HTT: variants seen among roughly 807,000 people sequenced by gnomAD.
HTT encodes huntingtin.
Under a neutral mutation model 362.3 loss-of-function variants are expected in HTT, and 104 were observed. The observed-to-expected ratio is 0.29, with a 90% CI of 0.24 to 0.34. The LOEUF (loss-of-function observed/expected upper bound fraction) is 0.34. Ranked by LOEUF, HTT falls within the 10% of genes least tolerant of loss-of-function variation. The pLI is 1.00. For synonymous variants in HTT, 1,577 were observed against 1,548.7 expected, an observed-to-expected ratio of 1.02 and a Z score of -0.43; for missense variants, 3,301 against 3,928.6, an observed-to-expected ratio of 0.84 and a Z score of 4.27.
At chr4:3,234,066 A>C (rs1721400090) in intron 61 of HTT, among the ~76,000 whole-genome samples, 1 of 152,256 alleles carries the variant, frequency 6.6e-6, no homozygotes, top group Non-Finnish European at 1.5e-5. Flanking sequence ...AAAGATGGGA[A>C]GGGGTCTGGG....
intron 28 of HTT, among the ~76,000 whole-genome samples, chr4:3,159,314 TC>T (rs2110216894): frequency 6.6e-6 from 1 of 152,348 alleles, no homozygotes; most frequent in South Asian, 2.1e-4. Flanking sequence ...AGCTAGAACT[TC>T]CCATGGTGAA....
intron 1 of HTT, 149 bp from the exon 2 acceptor site, chr4:3,086,790 G>T: frequency 3.7e-6 from 2 of 538,118 alleles, no homozygotes; most frequent in South Asian, 5.5e-5. Context: ...GTGCTTCCCT[G>T]TCCAGATCCC....
In HTT at chr4:3,221,281, G is replaced by T. The variant is rs114196068; in HGVS notation, c.7369+973G>T. On this transcript the variant is annotated intron_variant, in intron 53 of 66. Coordinates refer to ENST00000355072, the MANE Select transcript of HTT (RefSeq NM_001388492.1). ...AATGTCCAAAGAGAGCCCTGAGCAG[G>T]TACCTCACGCCAGCTGCCTCACGGA... 1.2e-3 allele frequency among the ~76,000 whole-genome samples: 187 copies of T among 152,272 alleles called. 1 individual carries two copies. The highest frequency in any genetic ancestry group is 4.4e-3 in the African/African-American group (183 of 41,548).
intron 40 of HTT, among the ~76,000 whole-genome samples, chr4:3,193,269 C>T (rs1719101416): frequency 6.6e-6 from 1 of 152,250 alleles, no homozygotes; most frequent in Admixed American, 6.5e-5. Context: ...GCCTTACTTG[C>T]TATTATTGAA....
intron 28 of HTT, among the ~76,000 whole-genome samples, chr4:3,158,934 T>G (rs1717306580): frequency 6.6e-6 from 1 of 152,232 alleles, no homozygotes; most frequent in Non-Finnish European, 1.5e-5. Flanking sequence ...CTGAATACCC[T>G]GAACTCCAGC....
rs778540858 is a variant in HTT at position 3,177,349 on chromosome 4, A to G, written c.4425A>G (p.Val1475=). 21 of 1,601,668 alleles carry G rather than the reference A, an allele frequency of 1.3e-5. 1 individual carries two copies. In the East Asian group the frequency reaches 3.8e-4, roughly 29 times the overall value. ...LDSDQVFIGF[V]LKQFEYIEVG... is the part of the protein sequence containing the mutation. ...TCCTGTAGGTGTTTATTGGCTTTGT[A>G]TTGAAACAGTTTGAATACATTGAAG... Residue 1475 remains valine, a synonymous_variant, in exon 34 of 67, where the codon GTA becomes GTG. Coordinates refer to ENST00000355072, the MANE Select transcript of HTT (RefSeq NM_001388492.1).
rs1578614376 is a variant in HTT, at chr4:3,232,862, C to G, written c.8266-301C>G. Among the ~76,000 whole-genome samples, 4 of 152,230 alleles carry G rather than the reference C, an allele frequency of 2.6e-5. No homozygotes were observed. In the South Asian group the frequency reaches 8.3e-4, roughly 32 times the overall value. On this transcript the variant is annotated intron_variant, in intron 60 of 66. Coordinates refer to ENST00000355072, the MANE Select transcript of HTT (RefSeq NM_001388492.1). The stretch of plus-strand genomic sequence containing the variant: ...TGGGGGCTGGGCACATGGGCACCCT[C>G]TGCCTGCCTCGTGCCCAGACTCTGG...
chr4:3,195,451 C>T (rs748603925), intron 40 of HTT, among the ~76,000 whole-genome samples: 6 of 152,046 alleles, frequency 3.9e-5, no homozygotes, highest in South Asian at 2.1e-4. Context: ...TCGTGGTCTC[C>T]GGGCACTTGG....
At chr4:3,075,636 G>A (rs1206275205) in intron 1 of HTT, among the ~76,000 whole-genome samples, 2 of 137,544 alleles carry the variant, frequency 1.5e-5, no homozygotes, top group Non-Finnish European at 3.2e-5. Flanking sequence ...GCCTCGGCGG[G>A]AGTGGCGGGG....
Position 3,240,519 on chromosome 4 carries a change from G to A in HTT, c.*460G>A, listed in dbSNP as rs778117120. The A allele has an allele frequency of 1.4e-4, 27 of 189,996 alleles. No individual in the cohort carries two copies. The highest frequency in any genetic ancestry group is 4.8e-4 in the Admixed American group (9 of 18,646). 11.8% of individuals were successfully genotyped at this position (189,996 alleles called of 1,614,324 possible). The stretch of plus-strand genomic sequence containing the variant: ...TGGTGGGGTGTGCATGCCACGCCCC[G>A]TGTCTGGATGCACAGATGCCATGGC... On this transcript the variant is annotated 3_prime_UTR_variant, in exon 67 of 67. Transcript: ENST00000355072.
intron 1 of HTT, among the ~76,000 whole-genome samples, chr4:3,077,161 G>A (rs1352038842): frequency 1.3e-5 from 2 of 152,084 alleles, no homozygotes; most frequent in Non-Finnish European, 2.9e-5. Context: ...CTGGGTGACA[G>A]AGCGAGACTC....
intron 48 of HTT, 81 bp from the exon 49 acceptor site, chr4:3,212,483 C>T (rs1404841456): frequency 2.7e-6 from 4 of 1,508,046 alleles, no homozygotes; most frequent in African/African-American, 1.4e-5. Context: ...ATCAGATTCT[C>T]AGAGAATTGC....
chr4:3,234,037 G>A (rs1484507287), intron 61 of HTT, among the ~76,000 whole-genome samples: 3 of 152,250 alleles, frequency 2.0e-5, no homozygotes, highest in Non-Finnish European at 2.9e-5. Context: ...TGGGGGAGTT[G>A]AGGGCAAGAA....
intron 47 of HTT, among the ~76,000 whole-genome samples, chr4:3,210,951 G>A (rs925936848): frequency 1.0e-4 from 13 of 130,018 alleles, no homozygotes; most frequent in Non-Finnish European, 2.0e-4. Flanking sequence ...CCCCCAGGCT[G>A]GAGTGCAATG....
chr4:3,229,324 C>A (rs1721103688), intron 59 of HTT, among the ~76,000 whole-genome samples: 1 of 146,462 alleles, frequency 6.8e-6, no homozygotes, highest in Non-Finnish European at 1.5e-5. Context: ...ACACACACCA[C>A]ACACACCACA....
chr4:3,080,879 T>C (rs1712862148), intron 1 of HTT, among the ~76,000 whole-genome samples: 1 of 152,242 alleles, frequency 6.6e-6, no homozygotes, highest in East Asian at 1.9e-4. Flanking sequence ...CTTAGTACCC[T>C]TGTTGAAAAT....
intron 12 of HTT, among the ~76,000 whole-genome samples, chr4:3,127,922 A>T (rs2110184966): frequency 6.6e-6 from 1 of 151,820 alleles, no homozygotes; most frequent in African/African-American, 2.4e-5. Context: ...CGAGATCGTG[A>T]CACTGCACTC....
chr4:3,187,377 G>A (rs1017133753), intron 38 of HTT, among the ~76,000 whole-genome samples: 40 of 152,156 alleles, frequency 2.6e-4, no homozygotes, highest in African/African-American at 9.2e-4. Flanking sequence ...GGATGGTCGC[G>A]ATCTCCTGAC....
chr4:3,100,933 T>G (rs1222634862), intron 3 of HTT, among the ~76,000 whole-genome samples: 1 of 152,224 alleles, frequency 6.6e-6, no homozygotes, highest in African/African-American at 2.4e-5. Context: ...CTCGCCAGGT[T>G]GCCCAGGCTG....
Sources: allele counts gnomAD v4.1 joint callset (sites outside exome capture counted in the v4.1 genomes callset), GRCh38; gene constraint gnomAD v4.1.1; transcripts MANE v1.5; gene names NCBI Gene and HGNC (gene_info 2026-07-23, HGNC 2026-07-21).